The following ZMPSTE24 variants were observed in gnomAD, a reference collection of about 807,000 sequenced individuals.
The protein encoded by ZMPSTE24 is zinc metallopeptidase STE24.
Under a neutral mutation model 56.7 loss-of-function variants are expected in ZMPSTE24, and 48 were observed. The observed-to-expected ratio is 0.85, with a 90% CI of 0.67 to 1.08. ZMPSTE24 has a LOEUF of 1.08. ZMPSTE24 is among the 50% of genes least tolerant of loss of function. The pLI, the probability that ZMPSTE24 is intolerant of heterozygous loss-of-function variation, is 0.00. For missense variants in ZMPSTE24, 503 were observed against 548.7 expected, an observed-to-expected ratio of 0.92 and a Z score of 0.83; for synonymous variants, 172 against 195.2, an observed-to-expected ratio of 0.88 and a Z score of 0.99.
chr1:40,292,938 A>G lies in ZMPSTE24; in HGVS notation c.*269A>G, dbSNP rs1643858589. On this transcript the variant is annotated 3_prime_UTR_variant, in exon 10 of 10. Transcript: ENST00000372759. Reference sequence around the variant, plus strand: ...TCAAGTTGTAAAATTATTTGGAAAAATACAGAACTCGTTTTATTTGTATAC... The same window carrying G: ...TCAAGTTGTAAAATTATTTGGAAAAGTACAGAACTCGTTTTATTTGTATAC... 1 of 373,142 alleles carries G rather than the reference A, an allele frequency of 2.7e-6. No homozygotes were observed. Among genetic ancestry groups the G allele is most frequent in the Non-Finnish European group, 5.0e-6 (1 of 199,922 alleles). 23.1% of individuals were successfully genotyped at this position (373,142 alleles called of 1,614,324 possible).
Position 40,271,986 on chromosome 1 carries a change from A to T in ZMPSTE24, c.720A>T (p.Val240=). 6.2e-7 allele frequency: 1 copy of T among 1,613,372 alleles called. No individual in the cohort carries two copies. The highest frequency in any genetic ancestry group is 8.5e-7 in the Non-Finnish European group (1 of 1,179,540). Residue 240 remains valine, a synonymous_variant, in exon 6 of 10, where the codon GTA becomes GTT. Coordinates refer to ENST00000372759, the MANE Select transcript of ZMPSTE24 (RefSeq NM_005857.5). ...GAAAGCTTAAAGAAGAAATTGAAGT[A>T]ATGGCAAAGAGTATTGACTTTCCTT... ...PEGKLKEEIE[V]MAKSIDFPLT...
intron 4 of ZMPSTE24, among the ~76,000 whole-genome samples, chr1:40,269,620 G>A (rs561763852): frequency 3.6e-4 from 54 of 151,942 alleles, no homozygotes; most frequent in African/African-American, 1.2e-3. Flanking sequence ...ATACTACACT[G>A]GGTTAATTTT....
intron 1 of ZMPSTE24, chr1:40,259,206 C>A (rs1643470472): frequency 6.6e-6 from 1 of 151,984 alleles, no homozygotes; most frequent in African/African-American, 2.4e-5. Flanking sequence ...TCTCGTTTTT[C>A]ATAAAATCAA....
At chr1:40,277,389 G>A (rs780748672) in intron 6 of ZMPSTE24, among the ~76,000 whole-genome samples, 33 of 151,994 alleles carry the variant, frequency 2.2e-4, no homozygotes, top group Non-Finnish European at 4.1e-4. Context: ...CCCTGCCAGG[G>A]ATTCTTAAAC....
At chr1:40,291,492 T>C (rs1475001440) in intron 9 of ZMPSTE24, among the ~76,000 whole-genome samples, 1 of 152,176 alleles carries the variant, frequency 6.6e-6, no homozygotes, top group Non-Finnish European at 1.5e-5. Context: ...CTTAAGAACA[T>C]TGCTCTGTGT....
chr1:40,258,598 A>G (rs541378664), intron 1 of ZMPSTE24, among the ~76,000 whole-genome samples: 55 of 152,150 alleles, frequency 3.6e-4, no homozygotes, highest in Middle Eastern at 3.4e-3. Context: ...CTGTAACGTT[A>G]TCATGGGACC....
Position 40,260,859 on chromosome 1 carries a change from A to G in ZMPSTE24, c.144A>G (p.Thr48=). The G allele has an allele frequency of 6.2e-7, 1 of 1,614,026 alleles. No homozygotes were observed. The change falls in exon 2 of 10, where the codon ACA becomes ACG. Residue 48 remains threonine, a synonymous_variant. Transcript: ENST00000372759. ...AQRQRRIYKT[T]THVPPELGQI... ...TTCAGAGAAGGATATATAAAACAAC[A>G]ACTCATGTACCACCGGAGTTAGGAC...
intron 9 of ZMPSTE24, 31 bp from the exon 10 acceptor site, chr1:40,292,414 G>T: frequency 6.2e-7 from 1 of 1,607,040 alleles, no homozygotes; most frequent in South Asian, 1.1e-5. Flanking sequence ...GAGGTGGGCA[G>T]TGGCTAAAAC....
At chr1:40,282,593 T>TG (rs1352416938) in intron 7 of ZMPSTE24, among the ~76,000 whole-genome samples, 4 of 152,230 alleles carry the variant, frequency 2.6e-5, no homozygotes, top group Non-Finnish European at 5.9e-5. Flanking sequence ...CCGCCTGCCT[T>TG]GGCCTCCCAA....
rs936833212 is a variant in ZMPSTE24, at chr1:40,258,256, G to A, written c.-16G>A. 1 of 1,612,972 alleles carries A rather than the reference G, an allele frequency of 6.2e-7. No individual in the cohort carries two copies. The highest frequency in any genetic ancestry group is 8.5e-7 in the Non-Finnish European group (1 of 1,179,904). ...GCACCGGTGCACGCTGAAGGAGCCG[G>A]CGGAACCGGGTGGCCATGGGGATGT... On this transcript the variant is annotated 5_prime_UTR_variant, in exon 1 of 10. Transcript: ENST00000372759.
At chr1:40,290,236 T>G (rs1643826773) in intron 8 of ZMPSTE24, among the ~76,000 whole-genome samples, 1 of 150,892 alleles carries the variant, frequency 6.6e-6, no homozygotes, top group Non-Finnish European at 1.5e-5. Context: ...ATACAAAAAA[T>G]TAGCCGGGCA....
intron 1 of ZMPSTE24, among the ~76,000 whole-genome samples, chr1:40,259,808 G>A (rs751565333): frequency 5.3e-5 from 8 of 151,794 alleles, no homozygotes; most frequent in Non-Finnish European, 8.8e-5. Context: ...GATGTTGCCC[G>A]GGGTGGTCTG....
Position 40,272,049 on chromosome 1 carries a change from G to A in ZMPSTE24, c.769+14G>A, listed in dbSNP as rs1259952658. 1 of 1,584,724 alleles carries A rather than the reference G, an allele frequency of 6.3e-7. No individual in the cohort carries two copies. Among genetic ancestry groups the A allele is most frequent in the Non-Finnish European group, 8.6e-7 (1 of 1,165,622 alleles). On this transcript the variant is annotated intron_variant, in intron 6 of 9. Transcript: ENST00000372759. ...ATGTTGTGGAAGGTAAGGCTACCTG[G>A]GGATAAGAAAGTTTTATCCAAGTGG...
intron 3 of ZMPSTE24, 63 bp downstream of exon 3, chr1:40,267,935 A>C: frequency 6.7e-7 from 1 of 1,484,950 alleles, no homozygotes; most frequent in Non-Finnish European, 9.4e-7. Context: ...GCTTTCCACT[A>C]AAGTTAATTT....
intron 6 of ZMPSTE24, among the ~76,000 whole-genome samples, chr1:40,273,388 C>T (rs1053872495): frequency 2.0e-5 from 3 of 150,478 alleles, no homozygotes; most frequent in Non-Finnish European, 4.4e-5. Context: ...CGTGGTGGTG[C>T]GTGCCTGTAA....
chr1:40,267,633 G>A, intron 2 of ZMPSTE24, among the ~76,000 whole-genome samples, 153 bp from the exon 3 acceptor site: 1 of 147,820 alleles, frequency 6.8e-6, no homozygotes, highest in Non-Finnish European at 1.5e-5. Flanking sequence ...GTCTCCCAAA[G>A]TGCTGGGATT....
At chr1:40,264,877 C>CA (rs35889679) in intron 2 of ZMPSTE24, among the ~76,000 whole-genome samples, 6,067 of 52,316 alleles carry the variant, frequency 0.12, 410 homozygotes, top group East Asian at 0.26. Context: ...GATCCTGTCT[C>CA]AAAAAAAAAA....
chr1:40,277,805 C>T (rs139950167), intron 6 of ZMPSTE24, among the ~76,000 whole-genome samples: 1 of 151,592 alleles, frequency 6.6e-6, no homozygotes, highest in African/African-American at 2.4e-5. Flanking sequence ...CCCGTCTCTA[C>T]TAAAAATACA....
intron 6 of ZMPSTE24, among the ~76,000 whole-genome samples, chr1:40,277,733 C>T (rs1275007523): frequency 6.6e-6 from 1 of 151,918 alleles, no homozygotes; most frequent in Non-Finnish European, 1.5e-5. Flanking sequence ...CTTTGGGAGG[C>T]CCAGGTAGGC....
Sources: allele counts gnomAD v4.1 joint callset (sites outside exome capture counted in the v4.1 genomes callset), GRCh38; gene constraint gnomAD v4.1.1; transcripts MANE v1.5; gene names NCBI Gene and HGNC (gene_info 2026-07-23, HGNC 2026-07-21).